The following ABTB2 variants were observed in gnomAD, a reference collection of about 807,000 sequenced individuals.
The protein encoded by ABTB2 is ankyrin repeat and BTB/POZ domain-containing protein 2.
ABTB2 carries 56 observed loss-of-function variants against 104.1 expected under a neutral mutation model. The observed-to-expected ratio is 0.54, with a 90% confidence interval of 0.43 to 0.67. The LOEUF (loss-of-function observed/expected upper bound fraction) is 0.67, where lower values mean the gene tolerates loss of function less well. ABTB2 is among the 30% of genes least tolerant of loss of function. The pLI is 0.00. For missense variants in ABTB2, 1,279 were observed against 1,407.7 expected, an observed-to-expected ratio of 0.91 and a Z score of 1.46; for synonymous variants, 606 against 608.2, an observed-to-expected ratio of 1.00 and a Z score of 0.05.
chr11:34,200,512 G>A (rs902301924), intron 2 of ABTB2, among the ~76,000 whole-genome samples: 1 of 152,212 alleles, frequency 6.6e-6, no homozygotes, highest in Admixed American at 6.5e-5. Context: ...TGGCTGCAGA[G>A]AACTCTGACT....
chr11:34,215,886 G>A (rs1485430057), intron 1 of ABTB2, among the ~76,000 whole-genome samples: 2 of 152,028 alleles, frequency 1.3e-5, no homozygotes, highest in Non-Finnish European at 2.9e-5. Context: ...TAGGAAGGAG[G>A]GATAGACCCA....
At chr11:34,226,836 C>G (rs990123087) in intron 1 of ABTB2, among the ~76,000 whole-genome samples, 9 of 152,136 alleles carry the variant, frequency 5.9e-5, no homozygotes, top group Non-Finnish European at 1.2e-4. Context: ...GAGGCCGAGG[C>G]AGGTGGATCA....
intron 1 of ABTB2, among the ~76,000 whole-genome samples, chr11:34,267,466 C>A (rs977307646): frequency 6.6e-6 from 1 of 152,176 alleles, no homozygotes; most frequent in Non-Finnish European, 1.5e-5. Flanking sequence ...AAACCCTAAA[C>A]CTGGGCCCTG....
At chr11:34,241,277 C>T (rs1853912460) in intron 1 of ABTB2, among the ~76,000 whole-genome samples, 1 of 152,072 alleles carries the variant, frequency 6.6e-6, no homozygotes, top group African/African-American at 2.4e-5. Flanking sequence ...GCTCCCAAGG[C>T]CTAAACGAGG....
At chr11:34,227,866 C>T (rs994417331) in intron 1 of ABTB2, among the ~76,000 whole-genome samples, 4 of 149,712 alleles carry the variant, frequency 2.7e-5, no homozygotes, top group Non-Finnish European at 5.9e-5. Context: ...ACCTGAGTAT[C>T]TGGGATTACA....
rs543716311 is a variant in ABTB2, at chr11:34,280,177, G to A, written c.884-75487C>T. ...AGAACATTGAGTCACAAGGCTGTTT[G>A]GGGCTTGCCTGAGGTCACACAAGCA... is the stretch of plus-strand genomic sequence containing the variant. On this transcript the variant is annotated intron_variant, in intron 1 of 16. Transcript: ENST00000435224. 2.6e-5 allele frequency among the ~76,000 whole-genome samples: 4 copies of A among 152,220 alleles called. No homozygotes were observed. The East Asian group carries it at 7.7e-4, about 29-fold the overall frequency.
At chr11:34,223,356 G>A (rs1853648934) in intron 1 of ABTB2, among the ~76,000 whole-genome samples, 1 of 152,146 alleles carries the variant, frequency 6.6e-6, no homozygotes, top group Non-Finnish European at 1.5e-5. Flanking sequence ...TTGACAGAGA[G>A]GAAGTCTGTA....
chr11:34,253,470 G>T (rs926824036), intron 1 of ABTB2, among the ~76,000 whole-genome samples: 2 of 152,160 alleles, frequency 1.3e-5, no homozygotes, highest in Non-Finnish European at 1.5e-5. Context: ...AAGATCAGGA[G>T]TTCAAGACCA....
intron 1 of ABTB2, among the ~76,000 whole-genome samples, chr11:34,303,960 C>G (rs1383015307): frequency 6.6e-6 from 1 of 151,908 alleles, no homozygotes; most frequent in East Asian, 1.9e-4. Flanking sequence ...TGGGTACTTT[C>G]TCTGGTTTCA....
chr11:34,182,669 C>T (rs903157099), intron 3 of ABTB2, among the ~76,000 whole-genome samples: 1 of 151,958 alleles, frequency 6.6e-6, no homozygotes, highest in African/African-American at 2.4e-5. Context: ...TTCAGGTCCC[C>T]ATAGGAGCCT....
At chr11:34,168,387 G>A (rs1247182883) in intron 5 of ABTB2, among the ~76,000 whole-genome samples, 2 of 152,220 alleles carry the variant, frequency 1.3e-5, no homozygotes, top group Non-Finnish European at 2.9e-5. Context: ...GGATTAATAT[G>A]TATAAAGTGC....
chr11:34,236,639 A>G (rs1853848032), intron 1 of ABTB2, among the ~76,000 whole-genome samples: 1 of 152,236 alleles, frequency 6.6e-6, no homozygotes, highest in African/African-American at 2.4e-5. Context: ...GCCCAAGGCC[A>G]GGCCTTGATC....
intron 1 of ABTB2, among the ~76,000 whole-genome samples, chr11:34,271,754 CATA>C (rs1854316654): frequency 1.7e-5 from 2 of 119,378 alleles, no homozygotes; most frequent in African/African-American, 5.9e-5. Context: ...TACATACATA[CATA>C]CATACATACA....
chr11:34,278,926 C>T (rs1854417003), intron 1 of ABTB2, among the ~76,000 whole-genome samples: 1 of 152,226 alleles, frequency 6.6e-6, no homozygotes, highest in African/African-American at 2.4e-5. Flanking sequence ...ATCCCAGCCA[C>T]TGTGGAAGTG....
intron 1 of ABTB2, among the ~76,000 whole-genome samples, chr11:34,345,885 C>A (rs1166717363): frequency 6.6e-6 from 1 of 152,178 alleles, no homozygotes; most frequent in Non-Finnish European, 1.5e-5. Flanking sequence ...TATGTTCTGC[C>A]TCTCCAGAAG....
chr11:34,192,158 T>TG (rs1391214554), intron 3 of ABTB2, among the ~76,000 whole-genome samples: 1 of 151,994 alleles, frequency 6.6e-6, no homozygotes, highest in Non-Finnish European at 1.5e-5. Context: ...CCAGGTGTGG[T>TG]GGGGCACATC....
chr11:34,171,144 G>A, intron 4 of ABTB2, 73 bp from the exon 5 acceptor site: 2 of 1,527,082 alleles, frequency 1.3e-6, no homozygotes, highest in East Asian at 2.3e-5. Context: ...ACACACATGT[G>A]TGAGCTTTAC....
At chr11:34,286,787 C>G (rs1854511351) in intron 1 of ABTB2, among the ~76,000 whole-genome samples, 1 of 152,182 alleles carries the variant, frequency 6.6e-6, no homozygotes, top group Non-Finnish European at 1.5e-5. Context: ...CAACATGTCT[C>G]CCCTTGGAGG....
chr11:34,172,349 G>A (rs1852884993), intron 4 of ABTB2, among the ~76,000 whole-genome samples: 1 of 129,498 alleles, frequency 7.7e-6, no homozygotes, highest in Non-Finnish European at 1.6e-5. Flanking sequence ...TCCAGCCTGG[G>A]CAACAGAGTG....
Sources: allele counts gnomAD v4.1 joint callset (sites outside exome capture counted in the v4.1 genomes callset), GRCh38; gene constraint gnomAD v4.1.1; transcripts MANE v1.5; gene names NCBI Gene and HGNC (gene_info 2026-07-23, HGNC 2026-07-21).